Variants in UBA6 observed in about 807,000 individuals in gnomAD.
UBA6 encodes ubiquitin-like modifier-activating enzyme 6.
A neutral mutation model predicts 148.3 loss-of-function variants in UBA6; 87 were observed. That is an observed-to-expected ratio of 0.59 (90% CI 0.49 to 0.70). UBA6 has a LOEUF of 0.70. Ranked by LOEUF, UBA6 falls within the 30% of genes least tolerant of loss-of-function variation. The pLI is 0.00. For missense variants in UBA6, 1,186 were observed against 1,241.2 expected (o/e 0.96, Z 0.67); for synonymous variants, 376 against 401.0 (o/e 0.94, Z 0.75).
Position 67,649,198 on chromosome 4 carries a change from G to C in UBA6, c.1118C>G (p.Ala373Gly). 6.2e-7 allele frequency: 1 copy of C among 1,610,002 alleles called. No homozygotes were observed. Among genetic ancestry groups the C allele is most frequent in the Non-Finnish European group, 8.5e-7 (1 of 1,178,302 alleles). Residue 373 changes from alanine to glycine, a missense_variant, in exon 14 of 33, where the codon GCT becomes GGT. Coordinates refer to ENST00000322244, the MANE Select transcript of UBA6 (RefSeq NM_018227.6). ...ETLEEKPDVN[A>G]DIVHWLSWTA... ...CCAAGAGAGCCAATGCACAATGTCA[G>C]CATTTACATCAGGCTAAAACAAAAG...
At chr4:67,676,243 C>T (rs1577831904) in intron 6 of UBA6, among the ~76,000 whole-genome samples, 1 of 152,020 alleles carries the variant, frequency 6.6e-6, no homozygotes, top group African/African-American at 2.4e-5. Context: ...AGGCTGGTCT[C>T]GAACTCCTGA....
rs375294484 is a variant in UBA6, at chr4:67,635,557, G to A, written c.1738C>T (p.Arg580Cys). The A allele has an allele frequency of 2.7e-5, 43 of 1,602,398 alleles. No individual in the cohort carries two copies. The highest frequency in any genetic ancestry group is 2.0e-4 in the East Asian group (9 of 44,700). The change falls in exon 20 of 33, where the codon CGT becomes TGT. Residue 580 changes from arginine to cysteine, a missense_variant and splice_region_variant. Physicochemically the swap from Arg to Cys is radical, Grantham distance 180 (BLOSUM62 -3). Coordinates refer to ENST00000322244, the MANE Select transcript of UBA6 (RefSeq NM_018227.6). ...NVEARRYVDS[R>C]CLANLRPLLD... Reference sequence around the variant, plus strand: ...AGAGGCCTTAGATTTGCTAAGCAACGACTATTTGAAAAGACAGCAAGTAAA... The same window carrying A: ...AGAGGCCTTAGATTTGCTAAGCAACAACTATTTGAAAAGACAGCAAGTAAA...
chr4:67,681,707 T>A, intron 3 of UBA6, 116 bp from the exon 4 acceptor site: 1 of 679,434 alleles, frequency 1.5e-6, no homozygotes, highest in Non-Finnish European at 2.4e-6. Context: ...TTTTACTACT[T>A]AATACAAGTT....
At chr4:67,665,136 G>T in intron 10 of UBA6, 53 bp downstream of exon 10, 4 of 1,098,706 alleles carry the variant, frequency 3.6e-6, no homozygotes, top group East Asian at 2.5e-5. Flanking sequence ...TGTCTCTTCT[G>T]CCTTTCTTTT....
At chr4:67,647,935 G>A (rs181214804) in intron 14 of UBA6, among the ~76,000 whole-genome samples, 113 of 151,136 alleles carry the variant, frequency 7.5e-4, no homozygotes, top group African/African-American at 2.6e-3. Flanking sequence ...CACCATGCCC[G>A]GCTAATTTTT....
Position 67,696,035 on chromosome 4 carries a change from T to C in UBA6, c.134+610A>G, listed in dbSNP as rs79750706. 3.9e-5 allele frequency among the ~76,000 whole-genome samples: 6 copies of C among 152,278 alleles called. No individual in the cohort carries two copies. The East Asian group carries it at 1.2e-3, about 29-fold the overall frequency. ...ATTCCAATTTCCTGAAAAAGCATAG[T>C]TTTAAAAGTCCCATCAAATTCCATT... On this transcript the variant is annotated intron_variant, in intron 2 of 32. Transcript: ENST00000322244.
Position 67,665,310 on chromosome 4 carries a change from T to A in UBA6, c.794-18A>T, listed in dbSNP as rs1232904716. On this transcript the variant is annotated intron_variant, in intron 9 of 32. Transcript: ENST00000322244. ...CGATATCACTAGAAGACAAAAAATTTAAAAAATCATTACACAGGGATATAG... is the reference window on the plus strand; with the variant it reads ...CGATATCACTAGAAGACAAAAAATTAAAAAAATCATTACACAGGGATATAG... The A allele has an allele frequency of 4.8e-6, 7 of 1,466,514 alleles. No homozygotes were observed. Among genetic ancestry groups the A allele is most frequent in the Non-Finnish European group, 5.6e-6 (6 of 1,066,824 alleles). The allele number at this position is 1,466,514 out of a possible 1,614,324, so 90.8% of individuals were successfully genotyped here.
intron 11 of UBA6, 95 bp from the exon 12 acceptor site, chr4:67,663,310 T>C: frequency 3.9e-6 from 3 of 770,740 alleles, no homozygotes; most frequent in Admixed American, 5.1e-5. Context: ...TTAACCATCA[T>C]AATAAACACA....
At position 67,614,493 on chromosome 4, in the gene UBA6, G is replaced by T. The variant is rs371893562; in HGVS notation, c.*4504C>A. ...TACGGGTATAATACATGACTTTGGT[G>T]GCACTATAGAAAGGAGGAATAAAAC... On this transcript the variant is annotated 3_prime_UTR_variant, in exon 33 of 33. Coordinates refer to ENST00000322244, the MANE Select transcript of UBA6 (RefSeq NM_018227.6). 5 of 152,058 alleles carry T rather than the reference G, an allele frequency of 3.3e-5. No individual in the cohort carries two copies. The highest frequency in any genetic ancestry group is 1.2e-4 in the African/African-American group (5 of 41,368). 9.4% of individuals were successfully genotyped at this position (152,058 alleles called of 1,614,324 possible). A position where few individuals can be genotyped will look rare whatever the true frequency, so the allele number is the denominator to read the frequency against.
chr4:67,696,445 A>G (rs971318913), intron 2 of UBA6, among the ~76,000 whole-genome samples, 200 bp downstream of exon 2: 11 of 127,098 alleles, frequency 8.7e-5, no homozygotes, highest in African/African-American at 3.2e-4. Flanking sequence ...ATATACACAT[A>G]TACACATATA....
chr4:67,640,241 T>C (rs1729270637), intron 18 of UBA6, among the ~76,000 whole-genome samples: 1 of 152,264 alleles, frequency 6.6e-6, no homozygotes, highest in Non-Finnish European at 1.5e-5. Context: ...AACAGGACTT[T>C]ATAGTTCTTC....
chr4:67,659,201 T>C (rs1191973091), intron 13 of UBA6, among the ~76,000 whole-genome samples: 1 of 152,188 alleles, frequency 6.6e-6, no homozygotes, highest in African/African-American at 2.4e-5. Flanking sequence ...GTACATTTAT[T>C]ATTTCTTTCT....
chr4:67,667,837 G>A (rs535989198), intron 9 of UBA6, among the ~76,000 whole-genome samples: 1 of 151,986 alleles, frequency 6.6e-6, no homozygotes, highest in Admixed American at 6.6e-5. Context: ...CAATGACTTC[G>A]CATTAGTCCA....
chr4:67,682,273 A>C, intron 2 of UBA6, 60 bp from the exon 3 acceptor site: 4 of 1,337,002 alleles, frequency 3.0e-6, no homozygotes, highest in Non-Finnish European at 4.2e-6. Flanking sequence ...AATATCTCTT[A>C]AAGTTGTTTG....
At chr4:67,694,215 C>CAAAAAAAAAAAAAAAAAAAAAAAAAAAA (rs769649769) in intron 2 of UBA6, among the ~76,000 whole-genome samples, 2 of 41,852 alleles carry the variant, frequency 4.8e-5, no homozygotes, top group African/African-American at 9.7e-5. Context: ...GACTCCATCT[C>CAAAAAAAAAAAAAAAAAAAAAAAAAAAA]AAAAAAAAAA....
chr4:67,692,163 C>T (rs1730709170), intron 2 of UBA6, among the ~76,000 whole-genome samples: 1 of 152,014 alleles, frequency 6.6e-6, no homozygotes, highest in South Asian at 2.1e-4. Context: ...AGTTTGATAA[C>T]TTTAGAAAGA....
chr4:67,660,441 G>C (rs2109930905), intron 13 of UBA6, among the ~76,000 whole-genome samples: 1 of 152,302 alleles, frequency 6.6e-6, no homozygotes, highest in African/African-American at 2.4e-5. Context: ...GGCTAAAAGG[G>C]GCCAATGTAC....
At chr4:67,688,504 C>T (rs557005706) in intron 2 of UBA6, among the ~76,000 whole-genome samples, 41 of 152,148 alleles carry the variant, frequency 2.7e-4, no homozygotes, top group South Asian at 2.3e-3. Flanking sequence ...ATGCAGAATA[C>T]TATCAGAGGC....
intron 25 of UBA6, 25 bp downstream of exon 25, chr4:67,631,683 C>CTTT: frequency 6.5e-7 from 1 of 1,541,350 alleles, no homozygotes; most frequent in Non-Finnish European, 8.9e-7. Flanking sequence ...ATGAAGGATA[C>CTTT]ATAAAACTAA....
Sources: allele counts gnomAD v4.1 joint callset (sites outside exome capture counted in the v4.1 genomes callset), GRCh38; gene constraint gnomAD v4.1.1; transcripts MANE v1.5; gene names NCBI Gene and HGNC (gene_info 2026-07-23, HGNC 2026-07-21).